The following SND1 variants were observed in gnomAD, a reference collection of about 807,000 sequenced individuals.
The protein encoded by SND1 is staphylococcal nuclease domain-containing protein 1.
Under a neutral mutation model 121.7 loss-of-function variants are expected in SND1, and 38 were observed. The ratio of observed to expected loss-of-function variants is 0.31; its 90% CI spans 0.24 to 0.41. The LOEUF (loss-of-function observed/expected upper bound fraction) is 0.41. Among genes scored for constraint, SND1 ranks in the 10% least tolerant of loss-of-function variants. The probability of loss-of-function intolerance (pLI) is 1.00; values close to 1 mark genes in which losing one functional copy is unlikely to be tolerated. For missense variants in SND1, 868 were observed against 1,184.6 expected (o/e 0.73, Z 3.92); for synonymous variants, 401 against 447.4 (o/e 0.90, Z 1.31).
At chr7:127,745,938 C>T (rs1379589705) in intron 10 of SND1, among the ~76,000 whole-genome samples, 3 of 152,210 alleles carry the variant, frequency 2.0e-5, no homozygotes, top group Non-Finnish European at 4.4e-5. Context: ...ACTTCAGCTG[C>T]CCTCTGCCTG....
chr7:127,656,562 A>C (rs1363819824), intron 1 of SND1, among the ~76,000 whole-genome samples: 1 of 151,680 alleles, frequency 6.6e-6, no homozygotes, highest in African/African-American at 2.4e-5. Context: ...CTGTCTGCCC[A>C]CCTCGGCCTC....
chr7:127,958,006 C>T (rs35774036), intron 15 of SND1, among the ~76,000 whole-genome samples: 90,104 of 152,122 alleles, frequency 0.59, 27,084 homozygotes, highest in East Asian at 0.75. Context: ...CCAGCCTAGC[C>T]GCAGTTAATT....
intron 16 of SND1, among the ~76,000 whole-genome samples, chr7:128,058,001 A>G (rs537921733): frequency 2.0e-5 from 3 of 152,350 alleles, no homozygotes; most frequent in African/African-American, 7.2e-5. Flanking sequence ...GGCAGGCAGC[A>G]TCTACCAAAG....
intron 3 of SND1, among the ~76,000 whole-genome samples, chr7:127,695,794 C>A (rs1795997199): frequency 6.6e-6 from 1 of 152,156 alleles, no homozygotes; most frequent in Non-Finnish European, 1.5e-5. Flanking sequence ...CCACTGCACT[C>A]TAGCCTGAGT....
chr7:127,817,531 A>G (rs1194855477), intron 11 of SND1, among the ~76,000 whole-genome samples: 1 of 152,122 alleles, frequency 6.6e-6, no homozygotes, highest in Non-Finnish European at 1.5e-5. Context: ...AAAAAATCTG[A>G]TTCCTTAAAT....
chr7:128,063,496 C>G (rs1793265047), intron 16 of SND1, among the ~76,000 whole-genome samples: 2 of 152,162 alleles, frequency 1.3e-5, no homozygotes, highest in South Asian at 2.1e-4. Context: ...TTGAAATAGG[C>G]CTTCTCCAGT....
intron 12 of SND1, among the ~76,000 whole-genome samples, chr7:127,855,309 G>A (rs1799253754): frequency 6.6e-6 from 1 of 151,972 alleles, no homozygotes; most frequent in African/African-American, 2.4e-5. Context: ...CCGAGGTTTA[G>A]CCATGTTGCT....
intron 1 of SND1, among the ~76,000 whole-genome samples, chr7:127,652,716 A>G (rs2116211395): frequency 6.6e-6 from 1 of 152,306 alleles, no homozygotes; most frequent in Admixed American, 6.5e-5. Context: ...GTTTACCAGG[A>G]CAGATCGATT....
At chr7:127,870,153 A>G (rs1156757812) in intron 12 of SND1, among the ~76,000 whole-genome samples, 1 of 152,156 alleles carries the variant, frequency 6.6e-6, no homozygotes, top group Non-Finnish European at 1.5e-5. Context: ...AATTACAGTC[A>G]AGATTCTTTC....
intron 15 of SND1, among the ~76,000 whole-genome samples, chr7:127,953,390 C>G (rs551996392): frequency 1.0e-3 from 153 of 152,148 alleles, no homozygotes; most frequent in African/African-American, 3.4e-3. Flanking sequence ...TAAAATTCCT[C>G]TTCTAGTCTT....
At chr7:127,679,319 T>A (rs575625075) in intron 1 of SND1, 1 of 152,204 alleles carries the variant, frequency 6.6e-6, no homozygotes, top group Non-Finnish European at 1.5e-5. Flanking sequence ...TTAAAAAAAT[T>A]TTTTTGTTAA....
rs188472663 is a variant in SND1, at chr7:127,846,969, A to T, written c.1343+2545A>T. On this transcript the variant is annotated intron_variant, in intron 12 of 23. Coordinates refer to ENST00000354725, the MANE Select transcript of SND1 (RefSeq NM_014390.4). ...TATCCTTTTTTTTTCTGAATTTTCT[A>T]TATTTTAAAAAATCTTGGCCAGGCG... Among the ~76,000 whole-genome samples, 373 of 151,724 alleles carry T rather than the reference A, an allele frequency of 2.5e-3. 2 individuals carry two copies. The highest frequency in any genetic ancestry group is 8.6e-3 in the African/African-American group (357 of 41,370).
intron 16 of SND1, among the ~76,000 whole-genome samples, chr7:128,011,099 G>C (rs1016434743): frequency 6.6e-6 from 1 of 151,562 alleles, no homozygotes; most frequent in Admixed American, 6.6e-5. Context: ...GGCGCACACT[G>C]TCCCCCCCAC....
chr7:127,914,611 G>T (rs1334509286), intron 14 of SND1, among the ~76,000 whole-genome samples: 1 of 152,172 alleles, frequency 6.6e-6, no homozygotes. Flanking sequence ...AGTTTGCCAA[G>T]TGATGGGCTC....
At chr7:127,721,911 T>C (rs1404761578) in intron 10 of SND1, among the ~76,000 whole-genome samples, 1 of 152,218 alleles carries the variant, frequency 6.6e-6, no homozygotes, top group African/African-American at 2.4e-5. Flanking sequence ...CTGTTTGCTA[T>C]TTTTTGGATC....
At chr7:127,806,678 A>C (rs1026016109) in intron 10 of SND1, among the ~76,000 whole-genome samples, 2 of 152,154 alleles carry the variant, frequency 1.3e-5, no homozygotes, top group Admixed American at 6.6e-5. Context: ...ACACTTGTCC[A>C]GGTGTGATGG....
chr7:127,914,941 T>G (rs1800541750), intron 14 of SND1, among the ~76,000 whole-genome samples: 1 of 152,160 alleles, frequency 6.6e-6, no homozygotes, highest in Non-Finnish European at 1.5e-5. Flanking sequence ...GTGGTGTGAT[T>G]GAATGAATTA....
intron 15 of SND1, among the ~76,000 whole-genome samples, chr7:127,956,742 G>T (rs144283215): frequency 6.6e-6 from 1 of 152,210 alleles, no homozygotes; most frequent in Non-Finnish European, 1.5e-5. Flanking sequence ...TTGATGATAC[G>T]TGTTTACACA....
chr7:127,825,058 T>C (rs533322522), intron 11 of SND1, among the ~76,000 whole-genome samples: 1 of 152,316 alleles, frequency 6.6e-6, no homozygotes, highest in South Asian at 2.1e-4. Flanking sequence ...TTGACAGTAA[T>C]ATATGTGTCA....
Sources: gnomAD v4.1 joint callset for allele counts (sites outside exome capture counted in the v4.1 genomes callset) on GRCh38, gnomAD v4.1.1 for gene constraint, MANE v1.5 for transcripts, NCBI Gene and HGNC (gene_info 2026-07-23, HGNC 2026-07-21) for gene names.